Variants in AFF1 observed in about 807,000 individuals in gnomAD.
AFF1 encodes ALF transcription elongation factor 1.
In AFF1, 48 loss-of-function variants were observed where a neutral mutation model predicts 121.7. The ratio of observed to expected loss-of-function variants is 0.39; its 90% CI spans 0.31 to 0.50. AFF1 has a LOEUF of 0.50. Among genes scored for constraint, AFF1 ranks in the 20% least tolerant of loss-of-function variants. The pLI, the probability that AFF1 is intolerant of heterozygous loss-of-function variation, is 0.76. For synonymous variants in AFF1, 613 were observed against 563.0 expected (o/e 1.09, Z -1.26); for missense variants, 1,523 against 1,511.7 (o/e 1.01, Z -0.12).
chr4:87,027,579 C>T (rs1728643943), intron 2 of AFF1, among the ~76,000 whole-genome samples: 1 of 152,176 alleles, frequency 6.6e-6, no homozygotes, highest in Non-Finnish European at 1.5e-5. Context: ...CACAACGATC[C>T]TACCACAGTG....
intron 2 of AFF1, among the ~76,000 whole-genome samples, chr4:86,952,330 G>A (rs1240852959): frequency 6.6e-6 from 1 of 152,060 alleles, no homozygotes; most frequent in East Asian, 1.9e-4. Context: ...ATATCAGACT[G>A]GTGAAAATTT....
rs767583047 is a variant in AFF1, at chr4:87,108,320, C to T, written c.1533+5C>T. On this transcript the variant is annotated splice_donor_5th_base_variant and intron_variant, in intron 11 of 20. Coordinates refer to ENST00000395146, the MANE Select transcript of AFF1 (RefSeq NM_001166693.3). Reference sequence around the variant, plus strand: ...CTAGAAACCCCAGCTCCGGAGGTACCGTGTTCCCCCTCGAGATGGCCACCT... The same window carrying T: ...CTAGAAACCCCAGCTCCGGAGGTACTGTGTTCCCCCTCGAGATGGCCACCT... 4.3e-5 allele frequency: 70 copies of T among 1,611,704 alleles called. No individual in the cohort carries two copies. Among genetic ancestry groups the T allele is most frequent in the Middle Eastern group, 3.4e-4 (2 of 5,920 alleles).
chr4:87,082,856 G>A (rs1236298363), intron 4 of AFF1, among the ~76,000 whole-genome samples: 1 of 152,196 alleles, frequency 6.6e-6, no homozygotes, highest in African/African-American at 2.4e-5. Context: ...ACCCTAGATT[G>A]CAAATTAGCA....
intron 14 of AFF1, 77 bp downstream of exon 14, chr4:87,126,413 T>C (rs887820205): frequency 1.5e-5 from 20 of 1,376,866 alleles, no homozygotes; most frequent in Non-Finnish European, 2.0e-5. Context: ...GACAAGTTGC[T>C]AGTGATGGCA....
At chr4:87,104,755 T>C (rs1230164968) in intron 8 of AFF1, among the ~76,000 whole-genome samples, 1 of 152,208 alleles carries the variant, frequency 6.6e-6, no homozygotes, top group African/African-American at 2.4e-5. Context: ...CGGTGGAGTT[T>C]TTAAAATTTG....
chr4:87,007,743 A>G (rs1016876348), intron 2 of AFF1, among the ~76,000 whole-genome samples: 2 of 152,080 alleles, frequency 1.3e-5, no homozygotes, highest in African/African-American at 4.8e-5. Flanking sequence ...CCAAATTTCC[A>G]TTTAGATTCT....
At position 87,112,114 on chromosome 4, in the gene AFF1, T is replaced by G. The variant is rs1478639313; in HGVS notation, c.1534-2253T>G. ...GGGTGTGAAGGCTTTGTGCCTGATGTGATTGGCAAGTGATGTATCTCACTA... is the reference window on the plus strand; with the variant it reads ...GGGTGTGAAGGCTTTGTGCCTGATGGGATTGGCAAGTGATGTATCTCACTA... On this transcript the variant is annotated intron_variant, in intron 11 of 20. Coordinates refer to ENST00000395146, the MANE Select transcript of AFF1 (RefSeq NM_001166693.3). Among the ~76,000 whole-genome samples the G allele has an allele frequency of 2.6e-5, 4 of 152,342 alleles. No individual in the cohort carries two copies. In the East Asian group the frequency reaches 7.7e-4, roughly 29 times the overall value.
intron 17 of AFF1, 145 bp from the exon 18 acceptor site, chr4:87,131,647 TA>T: frequency 1.4e-6 from 1 of 700,184 alleles, no homozygotes; most frequent in Non-Finnish European, 2.4e-6. Flanking sequence ...ATTGTTGCTC[TA>T]AAGCCTTGGG....
At chr4:86,986,615 C>T (rs933789991) in intron 2 of AFF1, among the ~76,000 whole-genome samples, 1 of 151,758 alleles carries the variant, frequency 6.6e-6, no homozygotes, top group African/African-American at 2.4e-5. Context: ...AATTGTTTTT[C>T]CCCCAACAAA....
chr4:86,944,373 GT>G (rs201558786), intron 1 of AFF1, among the ~76,000 whole-genome samples: 4,537 of 148,528 alleles, frequency 0.031, 228 homozygotes, highest in African/African-American at 0.1. Flanking sequence ...TTTTCTGGAG[GT>G]TTTTTTTTTT....
At chr4:87,088,017 T>A (rs1578223853) in intron 5 of AFF1, among the ~76,000 whole-genome samples, 1 of 152,234 alleles carries the variant, frequency 6.6e-6, no homozygotes, top group South Asian at 2.1e-4. Flanking sequence ...ATTTATTAAG[T>A]GCCTTCTGTG....
intron 1 of AFF1, among the ~76,000 whole-genome samples, chr4:86,944,873 CAT>C (rs1720743109): frequency 6.6e-6 from 1 of 152,142 alleles, no homozygotes; most frequent in African/African-American, 2.4e-5. Context: ...TATATACTCA[CAT>C]GTATGTGTAT....
intron 4 of AFF1, among the ~76,000 whole-genome samples, chr4:87,063,957 A>G (rs1356662723): frequency 6.6e-6 from 1 of 152,216 alleles, no homozygotes; most frequent in Admixed American, 6.5e-5. Flanking sequence ...AGTTGTTGTG[A>G]TGAAGTAATG....
intron 4 of AFF1, among the ~76,000 whole-genome samples, chr4:87,072,033 T>C (rs1415847059): frequency 6.6e-6 from 1 of 151,876 alleles, no homozygotes; most frequent in Non-Finnish European, 1.5e-5. Context: ...GAGAAATAAA[T>C]TGAGATGGAG....
chr4:86,993,637 A>G lies in AFF1; in HGVS notation c.38+45066A>G, dbSNP rs756824445. The stretch of plus-strand genomic sequence containing the variant: ...ATAGTACTGTGCTTCTCAGAGTTCA[A>G]TGAGTATATGAATCACCTTTGAATT... On this transcript the variant is annotated intron_variant, in intron 2 of 20. Transcript: ENST00000395146. Among the ~76,000 whole-genome samples the G allele has an allele frequency of 3.3e-5, 5 of 152,200 alleles. No homozygotes were observed. In the South Asian group the frequency reaches 8.3e-4, roughly 25 times the overall value.
chr4:87,055,642 A>G (rs1248603266), intron 4 of AFF1, among the ~76,000 whole-genome samples: 3 of 152,118 alleles, frequency 2.0e-5, no homozygotes, highest in Non-Finnish European at 2.9e-5. Context: ...CTCTAGATTA[A>G]CTGTGTTTTA....
rs1726115635 is a variant in AFF1, at chr4:87,108,197, A to T, written c.1415A>T (p.His472Leu). 5.0e-6 allele frequency: 8 copies of T among 1,614,064 alleles called. No individual in the cohort carries two copies. The highest frequency in any genetic ancestry group is 6.8e-6 in the Non-Finnish European group (8 of 1,180,014). ...CTTCCAGAACCAGTGGCATCAGCAC[A>T]TTCCAGCAGTGCAGAGTCAGAAAGC... ...QSLPEPVASA[H>L]SSSAESESTS... Residue 472 changes from histidine to leucine, a missense_variant, in exon 11 of 21, where the codon CAT (histidine) becomes CTT (leucine). Coordinates refer to ENST00000395146, the MANE Select transcript of AFF1 (RefSeq NM_001166693.3).
At chr4:87,049,756 G>A (rs893156568) in intron 4 of AFF1, 8 of 456,020 alleles carry the variant, frequency 1.8e-5, no homozygotes, top group East Asian at 1.4e-4. Context: ...GCCCCGTGGC[G>A]CTGTTGGTGA....
intron 2 of AFF1, among the ~76,000 whole-genome samples, chr4:87,041,995 GCGAGACTCCAT>G (rs1730209651): frequency 6.7e-6 from 1 of 149,688 alleles, no homozygotes; most frequent in South Asian, 2.1e-4. Flanking sequence ...GGGCGACAGA[GCGAGACTCCAT>G]CTGGAAAAAA....
Sources: allele counts gnomAD v4.1 joint callset (sites outside exome capture counted in the v4.1 genomes callset), GRCh38; gene constraint gnomAD v4.1.1; transcripts MANE v1.5; gene names NCBI Gene and HGNC (gene_info 2026-07-23, HGNC 2026-07-21).